Variants in RORB observed in about 807,000 individuals in gnomAD.
RORB encodes the protein nuclear receptor ROR-beta.
Under a neutral mutation model 59.1 loss-of-function variants are expected in RORB, and 6 were observed. The observed-to-expected ratio is 0.10, with a 90% CI of 0.06 to 0.20. The LOEUF is 0.20. Ranked by LOEUF, RORB falls within the 10% of genes least tolerant of loss-of-function variation. The pLI is 1.00. For synonymous variants in RORB, 215 were observed against 204.5 expected (o/e 1.05, Z -0.44); for missense variants, 320 against 560.5 (o/e 0.57, Z 4.33).
chr9:74,597,895 T>C (rs1310565337), intron 1 of RORB, among the ~76,000 whole-genome samples: 2 of 152,052 alleles, frequency 1.3e-5, no homozygotes, highest in East Asian at 1.9e-4. Context: ...GAGGCAGAGG[T>C]TGCGGTGAGC....
At chr9:74,572,287 A>G (rs765922757) in intron 1 of RORB, among the ~76,000 whole-genome samples, 19 of 152,176 alleles carry the variant, frequency 1.2e-4, no homozygotes, top group Non-Finnish European at 2.4e-4. Flanking sequence ...GATATGAAAA[A>G]AAATATTATG....
At chr9:74,526,819 T>A (rs998937061) in intron 1 of RORB, among the ~76,000 whole-genome samples, 5 of 151,938 alleles carry the variant, frequency 3.3e-5, no homozygotes, top group Non-Finnish European at 7.4e-5. Context: ...GGGGCTAATA[T>A]ACCTTTTAGA....
rs528353209 is a variant in RORB, at chr9:74,620,701, C to A, written c.8-9581C>A. On this transcript the variant is annotated intron_variant, in intron 1 of 9. Coordinates refer to ENST00000376896, the MANE Select transcript of RORB (RefSeq NM_006914.4). The stretch of plus-strand genomic sequence containing the variant: ...GGCATTTAGTGCTATAAATTTCCCT[C>A]TACACACTGCTTTAAATGTGTCCTA... Among the ~76,000 whole-genome samples the A allele has an allele frequency of 2.0e-5, 3 of 152,324 alleles. No homozygotes were observed. In the East Asian group the frequency reaches 5.8e-4, roughly 29 times the overall value.
intron 3 of RORB, among the ~76,000 whole-genome samples, chr9:74,641,281 G>A (rs189699859): frequency 6.6e-6 from 1 of 152,294 alleles, no homozygotes; most frequent in African/African-American, 2.4e-5. Flanking sequence ...AGTTCAGGAG[G>A]TTAAATATCT....
At chr9:74,569,309 A>C (rs1171188919) in intron 1 of RORB, among the ~76,000 whole-genome samples, 2 of 151,914 alleles carry the variant, frequency 1.3e-5, no homozygotes, top group Non-Finnish European at 2.9e-5. Context: ...GCTTTTTTTA[A>C]CTCTGCTGTT....
intron 4 of RORB, among the ~76,000 whole-genome samples, chr9:74,645,219 G>T (rs1479964960): frequency 6.6e-6 from 1 of 152,056 alleles, no homozygotes; most frequent in East Asian, 1.9e-4. Context: ...ATGCCACCTA[G>T]TGGACACAAA....
chr9:74,579,426 A>T (rs1322208497), intron 1 of RORB, among the ~76,000 whole-genome samples: 1 of 152,072 alleles, frequency 6.6e-6, no homozygotes, highest in Non-Finnish European at 1.5e-5. Flanking sequence ...CATTTTAAAC[A>T]GGCTGAATTC....
intron 9 of RORB, among the ~76,000 whole-genome samples, chr9:74,680,620 T>G (rs1300011486): frequency 6.6e-6 from 1 of 152,132 alleles, no homozygotes; most frequent in Non-Finnish European, 1.5e-5. Context: ...TCAAGTTTAA[T>G]GTTATAATTC....
chr9:74,654,333 G>GGAGAGAGA (rs60137307), intron 4 of RORB, among the ~76,000 whole-genome samples: 4 of 138,616 alleles, frequency 2.9e-5, no homozygotes, highest in East Asian at 2.1e-4. Flanking sequence ...CAGTCTCAGG[G>GGAGAGAGA]GAGAGAGAGA....
chr9:74,566,039 G>A (rs1822463662), intron 1 of RORB, among the ~76,000 whole-genome samples: 1 of 152,134 alleles, frequency 6.6e-6, no homozygotes, highest in Admixed American at 6.6e-5. Flanking sequence ...TAATATGGGT[G>A]AAAAAGACCA....
intron 1 of RORB, among the ~76,000 whole-genome samples, chr9:74,603,124 C>G (rs1452040757): frequency 6.6e-6 from 1 of 152,170 alleles, no homozygotes; most frequent in Non-Finnish European, 1.5e-5. Context: ...CTATTTGATA[C>G]ATGATCTGCC....
chr9:74,583,632 G>A (rs1822756893), intron 1 of RORB, among the ~76,000 whole-genome samples: 1 of 152,052 alleles, frequency 6.6e-6, no homozygotes, highest in African/African-American at 2.4e-5. Flanking sequence ...CCCCCAGGTT[G>A]ATGTTCTGTC....
chr9:74,660,653 A>G lies in RORB; in HGVS notation c.674A>G (p.Glu225Gly). 1 of 1,613,622 alleles carries G rather than the reference A, an allele frequency of 6.2e-7. No individual in the cohort carries two copies. Residue 225 changes from glutamate to glycine, a missense_variant, in exon 5 of 10, where the codon GAG becomes GGG. Physicochemically the swap from Glu to Gly is moderately conservative, Grantham distance 98. Around this residue, in one of 4 missense-constraint regions of RORB, gnomAD observed 40 missense variants for 116.9 expected, o/e 0.34. Coordinates refer to ENST00000376896, the MANE Select transcript of RORB (RefSeq NM_006914.4). ...CAGAACATCATTAAGTCCCATTTGG[A>G]GACATGTCAATACACCATGGAAGAG... ...IAQNIIKSHL[E>G]TCQYTMEELH...
At chr9:74,584,003 G>T (rs933815373) in intron 1 of RORB, among the ~76,000 whole-genome samples, 28 of 152,172 alleles carry the variant, frequency 1.8e-4, no homozygotes, top group African/African-American at 6.8e-4. Context: ...CTTTTTCTGT[G>T]AGATAACATT....
At chr9:74,683,159 G>A (rs1824574575) in intron 9 of RORB, among the ~76,000 whole-genome samples, 1 of 152,208 alleles carries the variant, frequency 6.6e-6, no homozygotes, top group Non-Finnish European at 1.5e-5. Context: ...AGTTTCAAGA[G>A]CTCTGCACAT....
intron 1 of RORB, among the ~76,000 whole-genome samples, chr9:74,534,194 T>A (rs1167645068): frequency 6.6e-6 from 1 of 152,038 alleles, no homozygotes; most frequent in Non-Finnish European, 1.5e-5. Context: ...CTTTTAGCAC[T>A]CCCTTAAGGA....
intron 3 of RORB, among the ~76,000 whole-genome samples, chr9:74,636,307 G>A (rs1204850412): frequency 6.6e-6 from 1 of 152,156 alleles, no homozygotes; most frequent in Non-Finnish European, 1.5e-5. Context: ...TAATAATTGT[G>A]CAAAGAGATA....
intron 9 of RORB, among the ~76,000 whole-genome samples, chr9:74,674,519 T>C (rs1028207604): frequency 6.6e-6 from 1 of 152,198 alleles, no homozygotes. Context: ...AGGTTAGAGG[T>C]ACAGGGCTCA....
At position 74,624,393 on chromosome 9, in the gene RORB, C is replaced by T. The variant is rs190123677; in HGVS notation, c.8-5889C>T. The stretch of plus-strand genomic sequence containing the variant: ...TAGACAGGAAGCTGATGTTGAGATG[C>T]ACTCTGCACTGATGAGATACACATG... On this transcript the variant is annotated intron_variant, in intron 1 of 9. Coordinates refer to ENST00000376896, the MANE Select transcript of RORB (RefSeq NM_006914.4). 1.5e-3 allele frequency among the ~76,000 whole-genome samples: 223 copies of T among 152,298 alleles called. 3 individuals carry two copies. Among genetic ancestry groups the T allele is most frequent in the Non-Finnish European group, 2.5e-3 (171 of 68,028 alleles).
Sources: allele counts gnomAD v4.1 joint callset (sites outside exome capture counted in the v4.1 genomes callset), GRCh38; gene constraint gnomAD v4.1.1; regional missense constraint gnomAD v4.1.1; transcripts MANE v1.5; gene names NCBI Gene and HGNC (gene_info 2026-07-23, HGNC 2026-07-21).